SDK2: variants seen among roughly 807,000 people sequenced by gnomAD.
The protein encoded by SDK2 is protein sidekick-2.
In SDK2, 105 loss-of-function variants were observed where a neutral mutation model predicts 253.9. The observed-to-expected ratio is 0.41, with a 90% CI of 0.35 to 0.49. The LOEUF is 0.49. Among genes scored for constraint, SDK2 ranks in the 20% least tolerant of loss-of-function variants. SDK2 has a pLI of 0.06. For missense variants in SDK2, 2,608 were observed against 3,003.0 expected (o/e 0.87, Z 3.07); for synonymous variants, 1,249 against 1,234.9 (o/e 1.01, Z -0.24).
At chr17:73,367,386 T>C (rs2145434812) in intron 37 of SDK2, among the ~76,000 whole-genome samples, 1 of 152,292 alleles carries the variant, frequency 6.6e-6, no homozygotes, top group East Asian at 1.9e-4. Flanking sequence ...CCACCTGGCT[T>C]TCTCTGCGTT....
intron 1 of SDK2, among the ~76,000 whole-genome samples, chr17:73,566,319 ATGTGTGTGTGTG>A (rs55940592): frequency 2.9e-5 from 4 of 139,310 alleles, no homozygotes; most frequent in South Asian, 2.3e-4. Flanking sequence ...TTATATATAT[ATGTGTGTGTGTG>A]TGTGTGTGTG....
chr17:73,411,995 TACACAC>T (rs1383067681), intron 18 of SDK2, among the ~76,000 whole-genome samples: 3,265 of 136,890 alleles, frequency 0.024, 163 homozygotes, highest in African/African-American at 0.08. Flanking sequence ...CGTATATATA[TACACAC>T]ATATATATGT....
intron 1 of SDK2, among the ~76,000 whole-genome samples, chr17:73,569,796 C>T (rs1477513005): frequency 1.3e-5 from 2 of 152,048 alleles, no homozygotes; most frequent in African/African-American, 4.8e-5. Context: ...ATGAGAACCC[C>T]CGCAAAGGTC....
At chr17:73,630,814 C>T (rs1243275751) in intron 1 of SDK2, among the ~76,000 whole-genome samples, 1 of 152,108 alleles carries the variant, frequency 6.6e-6, no homozygotes. Context: ...CCACTGTCCA[C>T]CCCGCTTGTC....
intron 1 of SDK2, among the ~76,000 whole-genome samples, chr17:73,564,023 C>A (rs1211842121): frequency 1.3e-5 from 2 of 152,178 alleles, no homozygotes; most frequent in Non-Finnish European, 1.5e-5. Flanking sequence ...GTTTCACACA[C>A]CCGGCCTCCC....
At position 73,395,079 on chromosome 17, in the gene SDK2, C is replaced by T. The variant is rs17782141; in HGVS notation, c.3592+76G>A. On this transcript the variant is annotated intron_variant, in intron 25 of 44. Coordinates refer to ENST00000392650, the MANE Select transcript of SDK2 (RefSeq NM_001144952.2). The surrounding 1 kb of genome is among the most constrained non-coding windows in gnomAD (Gnocchi z 4.3). ...TGAACAACACCTTCAGCCTGGCACG[C>T]GCTTGGATGACCCTGAGGGCATAGA... 151,869 of 1,158,902 alleles carry T rather than the reference C, an allele frequency of 0.13. 11,804 individuals carry two copies. Among genetic ancestry groups the T allele is most frequent in the Admixed American group, 0.3 (13,782 of 46,644 alleles). 71.8% of individuals were successfully genotyped at this position (1,158,902 alleles called of 1,614,324 possible). A position where few individuals can be genotyped will look rare whatever the true frequency, so the allele number is the denominator to read the frequency against.
chr17:73,401,185 T>C lies in SDK2; in HGVS notation c.2806A>G (p.Asn936Asp). ...TGGGTCACACGGGTGTTGGTTCGATTGTACTCCTCCCAGGAGATCCGGTAC... is the reference window on the plus strand; with the variant it reads ...TGGGTCACACGGGTGTTGGTTCGATCGTACTCCTCCCAGGAGATCCGGTAC... The part of the protein sequence containing the change: ...TGYRISWEEY[N>D]RTNTRVTHYL... Residue 936 changes from asparagine to aspartate, a missense_variant, in exon 21 of 45, where the codon AAT becomes GAT. Physicochemically the swap from Asn to Asp is conservative, Grantham distance 23 (BLOSUM62 1). Around this residue, in one of 2 missense-constraint regions of SDK2, gnomAD observed 1,505 missense variants for 1,859.1 expected, o/e 0.81. Transcript: ENST00000392650. 1 of 1,554,784 alleles carries C rather than the reference T, an allele frequency of 6.4e-7. No individual in the cohort carries two copies. The highest frequency in any genetic ancestry group is 8.7e-7 in the Non-Finnish European group (1 of 1,148,774).
Position 73,523,037 on chromosome 17 carries a change from C to T in SDK2, c.65-15440G>A, listed in dbSNP as rs568696951. Among the ~76,000 whole-genome samples, 145 of 152,206 alleles carry T rather than the reference C, an allele frequency of 9.5e-4. 1 individual carries two copies. The highest frequency in any genetic ancestry group is 7.3e-4 in the Non-Finnish European group (50 of 68,030). ...GGAAGCATCTGTGGAACTCATCTAG[C>T]CCAACCTCTCTTGCTGGCAGATGGG... On this transcript the variant is annotated intron_variant, in intron 1 of 44. Transcript: ENST00000392650.
rs1465791340 is a variant in SDK2 at position 73,447,780 on chromosome 17, G to A, written c.480-32C>T. On this transcript the variant is annotated intron_variant, in intron 4 of 44. Coordinates refer to ENST00000392650, the MANE Select transcript of SDK2 (RefSeq NM_001144952.2). The surrounding 1 kb of genome is among the most constrained non-coding windows in gnomAD (Gnocchi z 4.0). ...AGAGGAAAAGGATTCCTCTGACAGGGGCCTAAGGGGCTCTGAACCTCCAGG... is the reference window on the plus strand; with the variant it reads ...AGAGGAAAAGGATTCCTCTGACAGGAGCCTAAGGGGCTCTGAACCTCCAGG... 7 of 1,551,208 alleles carry A rather than the reference G, an allele frequency of 4.5e-6. No homozygotes were observed. Among genetic ancestry groups the A allele is most frequent in the Non-Finnish European group, 6.1e-6 (7 of 1,146,782 alleles).
In SDK2 at chr17:73,379,600, T is replaced by G. The variant is rs2062814017; in HGVS notation, c.4763-51A>C. On this transcript the variant is annotated intron_variant, in intron 34 of 44. Transcript: ENST00000392650. This position sits in a 1 kb window ranked among gnomAD's most constrained non-coding sequence, Gnocchi z 4.5. ...AGCACACTGAGGTCACCGTCATTGC[T>G]GGGAAGGTGTCCCCAGGGAGGGTGG... is the stretch of plus-strand genomic sequence containing the variant. The G allele has an allele frequency of 1.7e-6, 2 of 1,148,722 alleles. No individual in the cohort carries two copies. Among genetic ancestry groups the G allele is most frequent in the African/African-American group, 1.5e-5 (1 of 65,336 alleles). The allele number at this position is 1,148,722 out of a possible 1,614,324, so 71.2% of individuals were successfully genotyped here. A position where few individuals can be genotyped will look rare whatever the true frequency, so the allele number is the denominator to read the frequency against.
Position 73,572,098 on chromosome 17 carries a change from G to A in SDK2, c.65-64501C>T, listed in dbSNP as rs1329725283. ...CTAAACTGCAGGCGGACAAGACCTCGGCATTCAGTGCAGGTGTTGTCTTCT... is the reference window on the plus strand; with the variant it reads ...CTAAACTGCAGGCGGACAAGACCTCAGCATTCAGTGCAGGTGTTGTCTTCT... On this transcript the variant is annotated intron_variant, in intron 1 of 44. Coordinates refer to ENST00000392650, the MANE Select transcript of SDK2 (RefSeq NM_001144952.2). Among the ~76,000 whole-genome samples the A allele has an allele frequency of 3.3e-5, 5 of 152,150 alleles. 1 individual carries two copies. Among genetic ancestry groups the A allele is most frequent in the African/African-American group, 9.7e-5 (4 of 41,432 alleles).
intron 36 of SDK2, among the ~76,000 whole-genome samples, chr17:73,370,098 C>A (rs560508005): frequency 9.2e-5 from 14 of 152,326 alleles, no homozygotes; most frequent in Admixed American, 6.5e-4. Flanking sequence ...TGCATGTCAC[C>A]GGCTTTTCAA....
intron 1 of SDK2, among the ~76,000 whole-genome samples, chr17:73,557,708 C>T (rs1208060969): frequency 6.6e-6 from 1 of 152,068 alleles, no homozygotes; most frequent in Non-Finnish European, 1.5e-5. Flanking sequence ...TCCCTCTTTT[C>T]TTTCCTTCCT....
In SDK2 at chr17:73,395,740, CCT is replaced by C. The variant is rs2062966334; in HGVS notation, c.3355-350_3355-349del. 6.6e-6 allele frequency among the ~76,000 whole-genome samples: 1 copy of C among 152,218 alleles called. No individual in the cohort carries two copies. ...TTGGCTCTGCTGTCTCTGCTGCTTACCTCTGTCACTCAGGCTGCCAGCACACA... is the reference window on the plus strand; with the variant it reads ...TTGGCTCTGCTGTCTCTGCTGCTTACCTGTCACTCAGGCTGCCAGCACACA... On this transcript the variant is annotated intron_variant, in intron 24 of 44. Coordinates refer to ENST00000392650, the MANE Select transcript of SDK2 (RefSeq NM_001144952.2). The surrounding 1 kb of genome is among the most constrained non-coding windows in gnomAD (Gnocchi z 4.3).
chr17:73,347,104 G>A (rs1364780552), intron 44 of SDK2, among the ~76,000 whole-genome samples: 1 of 152,188 alleles, frequency 6.6e-6, no homozygotes, highest in Non-Finnish European at 1.5e-5. Flanking sequence ...GTTCACACCT[G>A]TAATCCCAGC....
intron 36 of SDK2, among the ~76,000 whole-genome samples, chr17:73,375,328 C>G (rs1030237030): frequency 2.8e-5 from 4 of 143,050 alleles, no homozygotes; most frequent in Non-Finnish European, 6.1e-5. Flanking sequence ...TGCACCCTCA[C>G]TCGGCCGGGC....
intron 1 of SDK2, among the ~76,000 whole-genome samples, chr17:73,598,767 G>T (rs749498375): frequency 1.3e-5 from 2 of 152,178 alleles, no homozygotes; most frequent in Admixed American, 6.5e-5. Flanking sequence ...GCAGGGGAAG[G>T]TGGGAGAGGC....
intron 10 of SDK2, among the ~76,000 whole-genome samples, chr17:73,432,263 AAG>A (rs1740520635): frequency 6.6e-6 from 1 of 152,008 alleles, no homozygotes; most frequent in South Asian, 2.1e-4. Context: ...TGGCCAGAGA[AAG>A]AGGGGGAGAA....
intron 25 of SDK2, 108 bp from the exon 26 acceptor site, chr17:73,394,432 T>A: frequency 1.7e-6 from 1 of 581,092 alleles, no homozygotes. Flanking sequence ...CGATGTTGCC[T>A]CTCTATGGAA....
Sources: allele counts gnomAD v4.1 joint callset (sites outside exome capture counted in the v4.1 genomes callset), GRCh38; gene constraint gnomAD v4.1.1; regional missense constraint gnomAD v4.1.1; non-coding constraint Gnocchi (gnomAD v3.1); transcripts MANE v1.5; gene names NCBI Gene and HGNC (gene_info 2026-07-23, HGNC 2026-07-21).